AVEN: variants seen among roughly 807,000 people sequenced by gnomAD.
AVEN encodes apoptosis and caspase activation inhibitor, also known as cell death regulator Aven.
A neutral mutation model predicts 38.1 loss-of-function variants in AVEN; 41 were observed. The observed-to-expected ratio is 1.08, with a 90% CI of 0.84 to 1.40. The LOEUF is 1.40. Ranked by LOEUF, AVEN falls within the 40% of genes most tolerant of loss-of-function variation. The pLI is 0.00. For synonymous variants in AVEN, 206 were observed against 171.8 expected, an observed-to-expected ratio of 1.20 and a Z score of -1.56; for missense variants, 605 against 438.8, an observed-to-expected ratio of 1.38 and a Z score of -3.38.
downstream of AVEN, chr15:33,864,039 G>C (rs1889508483): frequency 1.2e-6 from 1 of 803,232 alleles, no homozygotes; most frequent in Non-Finnish European, 2.1e-6. Flanking sequence ...TAGATAGCGT[G>C]GGACCAACTA....
chr15:33,937,932 CAAAAA>C (rs55887919), intron 2 of AVEN, among the ~76,000 whole-genome samples: 664 of 100,660 alleles, frequency 6.6e-3, no homozygotes, highest in African/African-American at 0.02. Flanking sequence ...CCTACTTGAC[CAAAAA>C]AAAAAAAAAA....
At chr15:33,979,154 A>G (rs191631374) in intron 2 of AVEN, among the ~76,000 whole-genome samples, 1 of 152,314 alleles carries the variant, frequency 6.6e-6, no homozygotes, top group African/African-American at 2.4e-5. Flanking sequence ...ACACAACCAC[A>G]GAAGAGTCAC....
the AVEN span, chr15:33,853,107 G>A: frequency 6.4e-7 from 1 of 1,558,090 alleles, no homozygotes; most frequent in Non-Finnish European, 8.7e-7. Flanking sequence ...GTTAGTGGGG[G>A]TGAGTTCCGT....
downstream of AVEN, among the ~76,000 whole-genome samples, chr15:33,857,358 CTCTG>C (rs1322991536): frequency 3.3e-5 from 5 of 152,064 alleles, no homozygotes; most frequent in Non-Finnish European, 7.3e-5. Context: ...TAGCCTCTCT[CTCTG>C]TGTCTCCAAC....
intron 2 of AVEN, among the ~76,000 whole-genome samples, chr15:33,896,868 T>C (rs2153042021): frequency 6.6e-6 from 1 of 152,318 alleles, no homozygotes; most frequent in South Asian, 2.1e-4. Flanking sequence ...TGTTATTACC[T>C]GACATATAAA....
intron 4 of AVEN, chr15:34,064,431 T>C: frequency 7.8e-7 from 1 of 1,288,456 alleles, no homozygotes; most frequent in Non-Finnish European, 1.0e-6. Context: ...TTTGAGTCCT[T>C]GAAGATTTTT....
chr15:33,895,849 A>G (rs776057865), intron 2 of AVEN, among the ~76,000 whole-genome samples: 1 of 152,196 alleles, frequency 6.6e-6, no homozygotes, highest in Non-Finnish European at 1.5e-5. Flanking sequence ...ATAAGGTATA[A>G]TAACTTTTAT....
intron 2 of AVEN, among the ~76,000 whole-genome samples, chr15:33,895,749 T>C (rs1456360974): frequency 2.6e-5 from 4 of 152,212 alleles, no homozygotes; most frequent in Non-Finnish European, 4.4e-5. Flanking sequence ...ATTATCTGTA[T>C]TATATTCAAA....
intron 11 of AVEN, chr15:33,860,611 T>C: frequency 1.3e-6 from 2 of 1,590,770 alleles, no homozygotes; most frequent in South Asian, 1.2e-5. Context: ...TTATTGATGC[T>C]TTCGGAGAGC....
At chr15:33,858,402 T>A (rs1040603155), downstream of AVEN, among the ~76,000 whole-genome samples, 5 of 152,026 alleles carry the variant, frequency 3.3e-5, no homozygotes, top group Non-Finnish European at 5.9e-5. Context: ...TGATGGGGTT[T>A]CTCTATGTTG....
intron 2 of AVEN, among the ~76,000 whole-genome samples, chr15:33,961,953 T>C (rs981326145): frequency 3.3e-5 from 5 of 152,056 alleles, no homozygotes; most frequent in African/African-American, 1.2e-4. Context: ...TCATAGATGA[T>C]TTTAAAGAAA....
chr15:33,967,326 C>T (rs1895428912), intron 2 of AVEN, among the ~76,000 whole-genome samples: 1 of 151,962 alleles, frequency 6.6e-6, no homozygotes, highest in Admixed American at 6.6e-5. Flanking sequence ...GTTTCTGAGA[C>T]ACAAGGAATT....
At chr15:34,026,978 G>A (rs1056960565) in intron 1 of AVEN, among the ~76,000 whole-genome samples, 2 of 150,748 alleles carry the variant, frequency 1.3e-5, no homozygotes, top group Non-Finnish European at 3.0e-5. Flanking sequence ...AGATGCCCAA[G>A]AGTGGCAATG....
intron 3 of AVEN, among the ~76,000 whole-genome samples, chr15:33,873,791 G>C (rs1377627818): frequency 1.3e-5 from 2 of 151,872 alleles, no homozygotes; most frequent in Non-Finnish European, 2.9e-5. Flanking sequence ...TCCATTCATG[G>C]CATCACCACT....
intron 5 of AVEN, among the ~76,000 whole-genome samples, chr15:34,053,565 A>G (rs1016965630): frequency 2.6e-5 from 4 of 151,892 alleles, no homozygotes; most frequent in African/African-American, 9.7e-5. Flanking sequence ...CCTAACAAAA[A>G]CAAGCAGTGG....
intron 1 of AVEN, among the ~76,000 whole-genome samples, chr15:34,073,989 CTTTTTT>C (rs5811818): frequency 6.4e-5 from 2 of 31,472 alleles, no homozygotes; most frequent in African/African-American, 6.6e-5. Context: ...TCTTCTTCTT[CTTTTTT>C]TTTTTTTTTT....
intron 2 of AVEN, among the ~76,000 whole-genome samples, chr15:33,903,736 T>C (rs1340393162): frequency 6.7e-6 from 1 of 149,538 alleles, no homozygotes; most frequent in African/African-American, 2.4e-5. Flanking sequence ...AACATACTTG[T>C]TTATAAGTGA....
At chr15:34,016,269 C>T (rs1285653302) in intron 1 of AVEN, among the ~76,000 whole-genome samples, 1 of 151,934 alleles carries the variant, frequency 6.6e-6, no homozygotes, top group Non-Finnish European at 1.5e-5. Flanking sequence ...CGGAAAGCAA[C>T]TTATCTCTCC....
At chr15:33,887,312 G>A (rs919375045) in intron 2 of AVEN, among the ~76,000 whole-genome samples, 2 of 152,158 alleles carry the variant, frequency 1.3e-5, no homozygotes, top group African/African-American at 4.8e-5. Flanking sequence ...ACCATGAGTT[G>A]TCTCCCAACC....
Sources: allele counts gnomAD v4.1 joint callset (sites outside exome capture counted in the v4.1 genomes callset), GRCh38; gene constraint gnomAD v4.1.1; transcripts MANE v1.5; gene names NCBI Gene and HGNC (gene_info 2026-07-23, HGNC 2026-07-21).